ABHD12: variants seen among roughly 807,000 people sequenced by gnomAD.
ABHD12 encodes the protein abhydrolase domain containing 12, lysophospholipase, also known as lysophosphatidylserine lipase ABHD12.
In ABHD12, 43 loss-of-function variants were observed where a neutral mutation model predicts 58.3. The observed-to-expected ratio is 0.74, with a 90% CI of 0.58 to 0.95. The LOEUF (loss-of-function observed/expected upper bound fraction) is 0.95. Ranked by LOEUF, ABHD12 falls within the 40% of genes least tolerant of loss-of-function variation. ABHD12 has a pLI of 0.00. For missense variants in ABHD12, 539 were observed against 537.2 expected (o/e 1.00, Z -0.03); for synonymous variants, 219 against 211.2 (o/e 1.04, Z -0.32).
chr20:25,322,990 T>C (rs905959662), intron 3 of ABHD12, among the ~76,000 whole-genome samples: 1 of 152,236 alleles, frequency 6.6e-6, no homozygotes, highest in Admixed American at 6.5e-5. Flanking sequence ...CCCAAAGTGC[T>C]GGGATTACAG....
At chr20:25,369,982 C>T (rs2027004) in intron 1 of ABHD12, among the ~76,000 whole-genome samples, 91,110 of 147,584 alleles carry the variant, frequency 0.62, 29,582 homozygotes, top group African/African-American at 0.79. Context: ...ACAAAGGACA[C>T]TTTTAGATAT....
chr20:25,325,683 A>G (rs1480900261), intron 2 of ABHD12, among the ~76,000 whole-genome samples: 26 of 152,104 alleles, frequency 1.7e-4, no homozygotes, highest in Non-Finnish European at 2.9e-5. Flanking sequence ...GCCCACCCAC[A>G]CCTCGACCTC....
intron 1 of ABHD12, among the ~76,000 whole-genome samples, chr20:25,344,146 G>C (rs1378993799): frequency 6.6e-6 from 1 of 152,160 alleles, no homozygotes; most frequent in African/African-American, 2.4e-5. Flanking sequence ...ACAAAAAACA[G>C]TTAACATCTT....
At chr20:25,377,501 G>A (rs886147066) in intron 1 of ABHD12, among the ~76,000 whole-genome samples, 3 of 152,198 alleles carry the variant, frequency 2.0e-5, no homozygotes, top group Non-Finnish European at 2.9e-5. Flanking sequence ...GGACTCCGAA[G>A]AGTCCCAAGG....
intron 1 of ABHD12, among the ~76,000 whole-genome samples, chr20:25,369,808 G>A (rs1184561159): frequency 6.6e-6 from 1 of 152,048 alleles, no homozygotes; most frequent in East Asian, 1.9e-4. Flanking sequence ...CCCCTGTAAT[G>A]CCAGCACTCT....
intron 1 of ABHD12, among the ~76,000 whole-genome samples, chr20:25,377,032 T>G (rs1201628694): frequency 1.3e-5 from 2 of 152,286 alleles, no homozygotes; most frequent in African/African-American, 4.8e-5. Flanking sequence ...CCAGGCGACC[T>G]CATACCTGGA....
rs1247349478 is a variant in ABHD12, at chr20:25,300,521, C to G, written c.*324G>C. ...CCCCAAGAGTCCCCTGCCCGGACTC[C>G]CCCTGTCCAGCTCAGTGCAGCATCA... On this transcript the variant is annotated 3_prime_UTR_variant, in exon 13 of 13. Coordinates refer to ENST00000339157, the MANE Select transcript of ABHD12 (RefSeq NM_001042472.3). The G allele has an allele frequency of 1.5e-6, 2 of 1,332,366 alleles. No individual in the cohort carries two copies. Among genetic ancestry groups the G allele is most frequent in the East Asian group, 6.4e-5 (2 of 31,362 alleles). 82.5% of individuals were successfully genotyped at this position (1,332,366 alleles called of 1,614,324 possible).
intron 2 of ABHD12, among the ~76,000 whole-genome samples, chr20:25,331,712 A>G (rs1232380746): frequency 1.3e-5 from 2 of 152,202 alleles, no homozygotes; most frequent in African/African-American, 2.4e-5. Flanking sequence ...ACTAAGCTTC[A>G]TAAGTGAAGG....
chr20:25,326,953 TA>T (rs1359411543), intron 2 of ABHD12, among the ~76,000 whole-genome samples: 1 of 152,232 alleles, frequency 6.6e-6, no homozygotes, highest in Non-Finnish European at 1.5e-5. Flanking sequence ...AATGCAGTGC[TA>T]AAACTATAGA....
chr20:25,307,461 T>C (rs2088766283), intron 9 of ABHD12, among the ~76,000 whole-genome samples: 1 of 152,230 alleles, frequency 6.6e-6, no homozygotes. Flanking sequence ...AATAACTGGC[T>C]AGGTTTTAAG....
At chr20:25,308,256 C>T (rs535607458) in intron 8 of ABHD12, among the ~76,000 whole-genome samples, 5 of 152,346 alleles carry the variant, frequency 3.3e-5, no homozygotes, top group East Asian at 1.9e-4. Context: ...CTTGCTGATG[C>T]GGCTCTGGGG....
At chr20:25,357,093 G>C (rs893408321) in intron 1 of ABHD12, among the ~76,000 whole-genome samples, 1 of 152,144 alleles carries the variant, frequency 6.6e-6, no homozygotes, top group Admixed American at 6.5e-5. Flanking sequence ...TGGGGTCAAT[G>C]CCCCCTTAAT....
At chr20:25,316,034 G>A (rs1747171655) in intron 5 of ABHD12, among the ~76,000 whole-genome samples, 1 of 152,178 alleles carries the variant, frequency 6.6e-6, no homozygotes, top group African/African-American at 2.4e-5. Flanking sequence ...CCCTGCATGT[G>A]GGGAGACCTG....
intron 1 of ABHD12, 53 bp from the exon 2 acceptor site, chr20:25,339,404 G>A (rs1025668979): frequency 1.4e-5 from 22 of 1,612,650 alleles, no homozygotes; most frequent in Non-Finnish European, 1.8e-5. Flanking sequence ...CCATTTTGCT[G>A]TAGTTTGTTA....
intron 1 of ABHD12, among the ~76,000 whole-genome samples, chr20:25,382,563 G>A (rs1402382755): frequency 6.6e-6 from 1 of 152,188 alleles, no homozygotes; most frequent in Admixed American, 6.5e-5. Flanking sequence ...AAGAGGAGGA[G>A]AAGTTGCAGC....
At position 25,308,354 on chromosome 20, in the gene ABHD12, GCT is replaced by G; in HGVS notation, c.787+101_787+102del. On this transcript the variant is annotated intron_variant, in intron 8 of 12. Transcript: ENST00000339157. Reference sequence around the variant, plus strand: ...AGCCCCGGGCCCCCCAGAATGTGCAGCTCATGCTGCTCCATGAGGACGCTGAG... The same window carrying G: ...AGCCCCGGGCCCCCCAGAATGTGCAGCATGCTGCTCCATGAGGACGCTGAG... 3.5e-6 allele frequency: 5 copies of G among 1,445,636 alleles called. 1 individual carries two copies. The highest frequency in any genetic ancestry group is 3.8e-6 in the Non-Finnish European group (4 of 1,052,376). 89.6% of individuals were successfully genotyped at this position (1,445,636 alleles called of 1,614,324 possible).
chr20:25,317,188 A>C, intron 4 of ABHD12, 110 bp from the exon 5 acceptor site: 1 of 740,610 alleles, frequency 1.4e-6, no homozygotes, highest in Non-Finnish European at 2.4e-6. Context: ...AGAGGGCAGA[A>C]CCTCTTCCTT....
At chr20:25,362,819 C>T (rs6050563) in intron 1 of ABHD12, among the ~76,000 whole-genome samples, 81,894 of 151,076 alleles carry the variant, frequency 0.54, 22,727 homozygotes, top group Admixed American at 0.61. Context: ...GGATTGCAGG[C>T]GTGCACCACC....
intron 2 of ABHD12, among the ~76,000 whole-genome samples, chr20:25,331,876 A>G (rs1415295470): frequency 6.6e-6 from 1 of 152,178 alleles, no homozygotes; most frequent in East Asian, 1.9e-4. Flanking sequence ...GACCATCGAG[A>G]CTAGGAAGAA....
Sources: allele counts gnomAD v4.1 joint callset (sites outside exome capture counted in the v4.1 genomes callset), GRCh38; gene constraint gnomAD v4.1.1; transcripts MANE v1.5; gene names NCBI Gene and HGNC (gene_info 2026-07-23, HGNC 2026-07-21).